The following WWOX variants were observed in gnomAD, a reference collection of about 807,000 sequenced individuals.
WWOX encodes WW domain containing oxidoreductase, also known as WW domain-containing oxidoreductase.
WWOX carries 69 observed loss-of-function variants against 46.2 expected under a neutral mutation model. That is an observed-to-expected ratio of 1.49 (90% CI 1.23 to 1.82). The LOEUF (loss-of-function observed/expected upper bound fraction) is 1.82. WWOX is among the 40% of genes most tolerant of loss of function. The pLI is 0.00. For missense variants in WWOX, 919 were observed against 542.6 expected (o/e 1.69, Z -6.89); for synonymous variants, 359 against 202.6 (o/e 1.77, Z -6.56).
chr16:78,274,765 C>G (rs1478935922), intron 5 of WWOX, among the ~76,000 whole-genome samples: 1 of 152,200 alleles, frequency 6.6e-6, no homozygotes, highest in South Asian at 2.1e-4. Flanking sequence ...ACACCTTGCT[C>G]TAGACATGGC....
intron 8 of WWOX, among the ~76,000 whole-genome samples, chr16:78,849,389 G>A (rs958079796): frequency 2.6e-5 from 4 of 151,302 alleles, no homozygotes; most frequent in Non-Finnish European, 5.9e-5. Flanking sequence ...GGCTAACACG[G>A]TGAAACCCCA....
intron 8 of WWOX, among the ~76,000 whole-genome samples, chr16:78,958,674 A>G (rs373670473): frequency 6.6e-6 from 1 of 152,204 alleles, no homozygotes; most frequent in South Asian, 2.1e-4. Flanking sequence ...TTCTTTTGGT[A>G]TTCTCAGACA....
intron 8 of WWOX, among the ~76,000 whole-genome samples, chr16:78,962,319 TTTTTTTTA>T (rs2046285853): frequency 1.0e-5 from 1 of 98,890 alleles, no homozygotes; most frequent in African/African-American, 3.7e-5. Flanking sequence ...TTTTTTTTTT[TTTTTTTTA>T]AAAAAAAAAA....
intron 8 of WWOX, among the ~76,000 whole-genome samples, chr16:78,892,571 T>A (rs941680995): frequency 6.6e-6 from 1 of 152,184 alleles, no homozygotes; most frequent in Non-Finnish European, 1.5e-5. Flanking sequence ...TCCTCCACAT[T>A]TTATCCAAAG....
At chr16:78,686,490 G>C (rs887866398) in intron 8 of WWOX, among the ~76,000 whole-genome samples, 3 of 147,724 alleles carry the variant, frequency 2.0e-5, no homozygotes, top group East Asian at 4.0e-4. Flanking sequence ...CAGCCTGGGG[G>C]ACAGAGCGAG....
intron 8 of WWOX, among the ~76,000 whole-genome samples, chr16:78,800,820 A>T (rs1232234607): frequency 6.6e-6 from 1 of 152,026 alleles, no homozygotes; most frequent in Non-Finnish European, 1.5e-5. Flanking sequence ...TTGAGATAGC[A>T]TCTCCTCCCC....
At chr16:79,126,791 C>G (rs888157864) in intron 8 of WWOX, among the ~76,000 whole-genome samples, 1 of 152,066 alleles carries the variant, frequency 6.6e-6, no homozygotes, top group South Asian at 2.1e-4. Flanking sequence ...AATTTAGACT[C>G]CATGCAGAAT....
chr16:78,823,194 A>G (rs889180743), intron 8 of WWOX, among the ~76,000 whole-genome samples: 12 of 152,220 alleles, frequency 7.9e-5, no homozygotes, highest in Non-Finnish European at 2.9e-5. Context: ...TAATGGTGGA[A>G]ACGGTCACAG....
chr16:78,676,928 G>C (rs977107834), intron 8 of WWOX, among the ~76,000 whole-genome samples: 1 of 152,028 alleles, frequency 6.6e-6, no homozygotes, highest in Non-Finnish European at 1.5e-5. Flanking sequence ...CAAGTGAAAG[G>C]GGAAGAAAAA....
chr16:78,844,316 T>G (rs182728280), intron 8 of WWOX, among the ~76,000 whole-genome samples: 3 of 152,288 alleles, frequency 2.0e-5, no homozygotes, highest in Admixed American at 1.3e-4. Context: ...CAAAGCTTAA[T>G]CCTTTTGAAA....
chr16:78,607,335 C>G (rs1028962403), intron 8 of WWOX, among the ~76,000 whole-genome samples: 12 of 152,068 alleles, frequency 7.9e-5, no homozygotes, highest in African/African-American at 2.7e-4. Flanking sequence ...ATGAAATACG[C>G]TTACATCATT....
chr16:78,121,581 A>C (rs1597228968), intron 4 of WWOX, among the ~76,000 whole-genome samples: 1 of 152,270 alleles, frequency 6.6e-6, no homozygotes, highest in East Asian at 1.9e-4. Flanking sequence ...AATGCTTATA[A>C]TAGGGGTGTG....
At chr16:78,537,991 G>C (rs1211628721) in intron 8 of WWOX, among the ~76,000 whole-genome samples, 1 of 151,984 alleles carries the variant, frequency 6.6e-6, no homozygotes, top group African/African-American at 2.4e-5. Context: ...ACCTTTCCCC[G>C]ATTCTTGAAA....
rs143818048 is a variant in WWOX, at chr16:79,095,796, C to G, written c.1057-115812C>G. Among the ~76,000 whole-genome samples, 1,127 of 151,814 alleles carry G rather than the reference C, an allele frequency of 7.4e-3. 11 individuals are homozygous for G. The highest frequency in any genetic ancestry group is 0.022 in the African/African-American group (917 of 41,362). ...ACAGACCTCAGAAAGCCGACTTCAC[C>G]CTTGCATACTCCTCCAGGTTGCCCT... On this transcript the variant is annotated intron_variant, in intron 8 of 8. Transcript: ENST00000566780.
At position 79,185,565 on chromosome 16, in the gene WWOX, G is replaced by A. The variant is rs147281462; in HGVS notation, c.1057-26043G>A. ...TAGCCTCAGAACGGATTGAGAGCTC[G>A]CCGCACAGATCTCATGTCAAAGACA... On this transcript the variant is annotated intron_variant, in intron 8 of 8. Coordinates refer to ENST00000566780, the MANE Select transcript of WWOX (RefSeq NM_016373.4). 2.1e-3 allele frequency among the ~76,000 whole-genome samples: 319 copies of A among 152,248 alleles called. 2 individuals carry two copies. The highest frequency in any genetic ancestry group is 7.1e-3 in the African/African-American group (295 of 41,534).
intron 5 of WWOX, among the ~76,000 whole-genome samples, chr16:78,336,930 C>T (rs990791796): frequency 6.6e-6 from 1 of 152,074 alleles, no homozygotes; most frequent in African/African-American, 2.4e-5. Flanking sequence ...AGGCGCCCGC[C>T]ACCATGCCCG....
chr16:78,535,827 C>G (rs980499928), intron 8 of WWOX, among the ~76,000 whole-genome samples: 1 of 152,138 alleles, frequency 6.6e-6, no homozygotes. Context: ...GAATCCATCT[C>G]CAGTGCTGCT....
intron 8 of WWOX, among the ~76,000 whole-genome samples, chr16:78,691,533 C>T (rs2047987772): frequency 6.6e-6 from 1 of 151,892 alleles, no homozygotes; most frequent in Non-Finnish European, 1.5e-5. Context: ...AACGTGAGAT[C>T]CTGTCTCTAC....
At chr16:78,927,683 A>C (rs1279854598) in intron 8 of WWOX, among the ~76,000 whole-genome samples, 1 of 152,216 alleles carries the variant, frequency 6.6e-6, no homozygotes, top group East Asian at 1.9e-4. Flanking sequence ...TATCAGACTT[A>C]ATCAAGCACT....
Sources: allele counts gnomAD v4.1 joint callset (sites outside exome capture counted in the v4.1 genomes callset), GRCh38; gene constraint gnomAD v4.1.1; transcripts MANE v1.5; gene names NCBI Gene and HGNC (gene_info 2026-07-23, HGNC 2026-07-21).